KHDRBS2: variants seen among roughly 807,000 people sequenced by gnomAD.
KHDRBS2 encodes KH domain-containing, RNA-binding, signal transduction-associated protein 2.
KHDRBS2 carries 26 observed loss-of-function variants against 44.3 expected under a neutral mutation model. That is an observed-to-expected ratio of 0.59 (90% confidence interval 0.43 to 0.81). The LOEUF (loss-of-function observed/expected upper bound fraction) is 0.81. Among genes scored for constraint, KHDRBS2 ranks in the 40% least tolerant of loss-of-function variants. The pLI is 0.00. For missense variants in KHDRBS2, 476 were observed against 433.1 expected, an observed-to-expected ratio of 1.10 and a Z score of -0.88; for synonymous variants, 194 against 151.1, an observed-to-expected ratio of 1.28 and a Z score of -2.08.
chr6:61,757,591 A>G (rs1241744292), intron 6 of KHDRBS2, among the ~76,000 whole-genome samples: 3 of 152,156 alleles, frequency 2.0e-5, no homozygotes, highest in African/African-American at 7.2e-5. Context: ...ATTGTTGACA[A>G]TGGTTTAAAA....
At chr6:61,610,185 A>AT in the KHDRBS2 span, among the ~76,000 whole-genome samples, 18 of 115,160 alleles carry the variant, frequency 1.6e-4, no homozygotes, top group African/African-American at 6.1e-4. Context: ...CAATATATAT[A>AT]TTTAAAAAAA....
the KHDRBS2 span, among the ~76,000 whole-genome samples, chr6:61,548,838 A>G: frequency 6.6e-6 from 1 of 152,108 alleles, no homozygotes; most frequent in African/African-American, 2.4e-5. Flanking sequence ...ATTAATATCA[A>G]CCTAGACCAG....
At chr6:61,749,009 C>CTTTTTTTTTTTTTTT (rs34423906) in intron 6 of KHDRBS2, among the ~76,000 whole-genome samples, 6 of 97,228 alleles carry the variant, frequency 6.2e-5, no homozygotes, top group South Asian at 3.7e-4. Context: ...TTCTTTCTTT[C>CTTTTTTTTTTTTTTT]TTTTTTTTTT....
chr6:62,229,268 T>C (rs553216866), intron 1 of KHDRBS2, among the ~76,000 whole-genome samples: 1 of 152,222 alleles, frequency 6.6e-6, no homozygotes, highest in African/African-American at 2.4e-5. Flanking sequence ...AGGTCAGGCC[T>C]GAAGGGGCAC....
intron 8 of KHDRBS2, 115 bp downstream of exon 8, chr6:61,697,080 C>T (rs1767986672): frequency 2.7e-6 from 2 of 750,894 alleles, no homozygotes; most frequent in Admixed American, 2.1e-5. Flanking sequence ...TTACATGAAT[C>T]AATTTAGTCT....
intron 1 of KHDRBS2, among the ~76,000 whole-genome samples, chr6:62,202,465 GTATTATGCTGTA>G (rs1421695499): frequency 2.6e-5 from 4 of 151,920 alleles, no homozygotes; most frequent in Non-Finnish European, 4.4e-5. Context: ...TAAGACAAAA[GTATTATGCTGTA>G]TAATACAGAA....
intron 2 of KHDRBS2, among the ~76,000 whole-genome samples, chr6:62,056,998 C>A (rs1210762849): frequency 6.6e-6 from 1 of 151,880 alleles, no homozygotes; most frequent in Non-Finnish European, 1.5e-5. Context: ...CCCTTAAATT[C>A]TTTTACACAC....
At chr6:61,741,706 A>G (rs1488021768) in intron 6 of KHDRBS2, among the ~76,000 whole-genome samples, 1 of 151,930 alleles carries the variant, frequency 6.6e-6, no homozygotes, top group Admixed American at 6.6e-5. Flanking sequence ...TCAACCTAAC[A>G]CTAATATTAG....
chr6:62,190,392 C>G (rs923266254), intron 1 of KHDRBS2, among the ~76,000 whole-genome samples: 2 of 152,116 alleles, frequency 1.3e-5, no homozygotes, highest in Admixed American at 6.6e-5. Flanking sequence ...TAGGGTTACC[C>G]TGGTTCATTG....
the KHDRBS2 span, among the ~76,000 whole-genome samples, chr6:61,543,079 A>T: frequency 6.6e-6 from 1 of 152,004 alleles, no homozygotes; most frequent in Non-Finnish European, 1.5e-5. Context: ...AATACTCCAC[A>T]AGCACAGGCA....
At chr6:61,735,441 A>G (rs905733562) in intron 6 of KHDRBS2, among the ~76,000 whole-genome samples, 2 of 152,144 alleles carry the variant, frequency 1.3e-5, no homozygotes, top group African/African-American at 4.8e-5. Context: ...AAATTTCTAC[A>G]ATTGTCCCAA....
At chr6:61,694,222 TCTCTA>T (rs779580028) in intron 8 of KHDRBS2, among the ~76,000 whole-genome samples, 24 of 152,300 alleles carry the variant, frequency 1.6e-4, no homozygotes, top group Middle Eastern at 3.4e-3. Flanking sequence ...CACTACAACA[TCTCTA>T]AGATTGAGAT....
chr6:61,708,322 C>T (rs2127549291), intron 7 of KHDRBS2, among the ~76,000 whole-genome samples: 1 of 151,260 alleles, frequency 6.6e-6, no homozygotes, highest in Middle Eastern at 3.4e-3. Flanking sequence ...AATTTTTACT[C>T]AAAAATTGAA....
intron 6 of KHDRBS2, among the ~76,000 whole-genome samples, chr6:61,761,478 A>G (rs1013762615): frequency 1.3e-5 from 2 of 152,200 alleles, no homozygotes; most frequent in African/African-American, 4.8e-5. Context: ...AGATTTAGAC[A>G]CACCAACTAA....
chr6:62,093,332 T>A (rs1257149976), intron 2 of KHDRBS2, among the ~76,000 whole-genome samples: 1 of 151,986 alleles, frequency 6.6e-6, no homozygotes, highest in African/African-American at 2.4e-5. Context: ...TCAGGCAATT[T>A]TCCCAACTAA....
Position 62,285,726 on chromosome 6 carries a change from G to A in KHDRBS2, c.91+132C>T, listed in dbSNP as rs1411649834. The A allele has an allele frequency of 1.8e-5, 11 of 624,004 alleles. No individual in the cohort carries two copies. The Admixed American group carries it at 2.8e-4, about 16-fold the overall frequency. The allele number at this position is 624,004 out of a possible 1,614,324, so 38.7% of individuals were successfully genotyped here. On this transcript the variant is annotated intron_variant, in intron 1 of 8. Coordinates refer to ENST00000281156, the MANE Select transcript of KHDRBS2 (RefSeq NM_152688.4). ...GGGGTCTGTCCGCCCGAGCTCTAAGGCGAGCATCTTCAGGGGGACAGTTTC... is the reference window on the plus strand; with the variant it reads ...GGGGTCTGTCCGCCCGAGCTCTAAGACGAGCATCTTCAGGGGGACAGTTTC...
intron 1 of KHDRBS2, among the ~76,000 whole-genome samples, chr6:62,178,243 G>T (rs1436765823): frequency 1.3e-5 from 2 of 151,518 alleles, no homozygotes; most frequent in Admixed American, 1.3e-4. Flanking sequence ...AATAAGCCAT[G>T]AGAAGACTAA....
intron 2 of KHDRBS2, among the ~76,000 whole-genome samples, chr6:62,127,229 G>A (rs1809178383): frequency 6.6e-6 from 1 of 152,136 alleles, no homozygotes; most frequent in Non-Finnish European, 1.5e-5. Flanking sequence ...TATATTGAAA[G>A]TGTTTTGAAG....
intron 1 of KHDRBS2, among the ~76,000 whole-genome samples, chr6:62,239,067 C>T (rs1419051988): frequency 2.0e-5 from 3 of 152,124 alleles, no homozygotes; most frequent in Non-Finnish European, 4.4e-5. Context: ...ATATGTGAAT[C>T]TTGTTTCAAA....
Sources: allele counts gnomAD v4.1 joint callset (sites outside exome capture counted in the v4.1 genomes callset), GRCh38; gene constraint gnomAD v4.1.1; transcripts MANE v1.5; gene names NCBI Gene and HGNC (gene_info 2026-07-23, HGNC 2026-07-21).